The following EYS variants were observed in gnomAD, a reference collection of about 807,000 sequenced individuals.
EYS encodes the protein protein eyes shut homolog.
EYS carries 250 observed loss-of-function variants against 282.1 expected under a neutral mutation model. The observed-to-expected ratio is 0.89, with a 90% CI of 0.80 to 0.98. EYS has a LOEUF of 0.98. EYS is among the 50% of genes least tolerant of loss of function. The pLI is 0.00. For missense variants in EYS, 4,016 were observed against 3,709.0 expected (o/e 1.08, Z -2.15); for synonymous variants, 1,355 against 1,282.9 (o/e 1.06, Z -1.20).
chr6:65,105,714 G>A (rs943859838), intron 12 of EYS, among the ~76,000 whole-genome samples: 2 of 151,858 alleles, frequency 1.3e-5, no homozygotes, highest in Non-Finnish European at 2.9e-5. Flanking sequence ...CGTGAATGAT[G>A]TCTGTACTTC....
intron 31 of EYS, among the ~76,000 whole-genome samples, chr6:64,206,250 T>C (rs950128397): frequency 1.1e-4 from 16 of 152,164 alleles, no homozygotes; most frequent in African/African-American, 3.6e-4. Context: ...CTTCTTAAAA[T>C]TAGTCTAATA....
At chr6:65,511,726 G>A (rs1415897674) in intron 2 of EYS, among the ~76,000 whole-genome samples, 5 of 152,018 alleles carry the variant, frequency 3.3e-5, no homozygotes, top group African/African-American at 1.2e-4. Context: ...ACTGAGACAG[G>A]GGGCTCACTT....
chr6:63,897,265 C>T (rs1450664185), intron 35 of EYS, among the ~76,000 whole-genome samples: 1 of 152,212 alleles, frequency 6.6e-6, no homozygotes, highest in Non-Finnish European at 1.5e-5. Flanking sequence ...GAACAATGGT[C>T]TTCAAAGATA....
chr6:65,060,230 CTTT>C (rs34441532), intron 12 of EYS, among the ~76,000 whole-genome samples: 29,297 of 146,274 alleles, frequency 0.2, 3,262 homozygotes, highest in South Asian at 0.26. Flanking sequence ...ACAAGGAAGA[CTTT>C]TTTTTTTTTT....
intron 15 of EYS, among the ~76,000 whole-genome samples, chr6:64,914,745 T>C (rs1768108642): frequency 1.3e-5 from 2 of 152,094 alleles, no homozygotes; most frequent in South Asian, 4.1e-4. Context: ...TAATAAAGTG[T>C]TTACTAGTTC....
intron 12 of EYS, among the ~76,000 whole-genome samples, chr6:65,109,196 A>T (rs1775133804): frequency 6.6e-6 from 1 of 151,488 alleles, no homozygotes; most frequent in Non-Finnish European, 1.5e-5. Context: ...CACTTTTAGA[A>T]TTTTTTTCTG....
chr6:65,543,411 TA>T (rs1278071072), intron 2 of EYS, among the ~76,000 whole-genome samples: 4 of 148,098 alleles, frequency 2.7e-5, no homozygotes, highest in East Asian at 1.9e-4. Flanking sequence ...ATATAATATA[TA>T]AATGTATATT....
At chr6:65,484,149 A>C (rs1346274182) in intron 5 of EYS, among the ~76,000 whole-genome samples, 3 of 150,050 alleles carry the variant, frequency 2.0e-5, no homozygotes, top group African/African-American at 7.3e-5. Context: ...AAAAAAAAAA[A>C]CCCTATTATA....
chr6:64,658,119 T>C (rs1768826314), intron 22 of EYS, among the ~76,000 whole-genome samples: 1 of 152,212 alleles, frequency 6.6e-6, no homozygotes, highest in Non-Finnish European at 1.5e-5. Flanking sequence ...CTTCCATCAC[T>C]GATACCCTTT....
chr6:64,019,343 G>A (rs1769061605), intron 33 of EYS, among the ~76,000 whole-genome samples: 1 of 152,070 alleles, frequency 6.6e-6, no homozygotes, highest in South Asian at 2.1e-4. Flanking sequence ...GTTGTTTTAG[G>A]CCACATAGTT....
chr6:65,221,217 A>C (rs1291596041), intron 12 of EYS, among the ~76,000 whole-genome samples: 1 of 152,198 alleles, frequency 6.6e-6, no homozygotes, highest in African/African-American at 2.4e-5. Flanking sequence ...AAATTTGCCT[A>C]AGTAATGAGG....
intron 5 of EYS, among the ~76,000 whole-genome samples, chr6:65,476,401 A>AT (rs1765406244): frequency 6.6e-6 from 1 of 152,204 alleles, no homozygotes; most frequent in Non-Finnish European, 1.5e-5. Context: ...GTTCATTAAG[A>AT]TATTTATATG....
At position 64,126,838 on chromosome 6, in the gene EYS, T is replaced by C. The variant is rs190591076; in HGVS notation, c.6425-44836A>G. Among the ~76,000 whole-genome samples, 78 of 151,892 alleles carry C rather than the reference T, an allele frequency of 5.1e-4. 1 individual carries two copies. The South Asian group carries it at 6.2e-3, about 12-fold the overall frequency. On this transcript the variant is annotated intron_variant, in intron 31 of 42. Coordinates refer to ENST00000503581, the MANE Select transcript of EYS (RefSeq NM_001142800.2). The stretch of plus-strand genomic sequence containing the variant: ...ATATACACATATATTTAAATACATA[T>C]ATACACACACACATATCTATATACA...
chr6:65,163,190 T>C (rs1165742136), intron 12 of EYS, among the ~76,000 whole-genome samples: 2 of 151,286 alleles, frequency 1.3e-5, no homozygotes, highest in Admixed American at 1.3e-4. Flanking sequence ...ATTTACTTTT[T>C]AGGTAACTTT....
At chr6:65,266,199 A>G (rs1767748314) in intron 12 of EYS, among the ~76,000 whole-genome samples, 2 of 151,890 alleles carry the variant, frequency 1.3e-5, no homozygotes. Flanking sequence ...AGATTATGAT[A>G]TTCTTTACTA....
chr6:65,672,236 T>G (rs1175564687), intron 1 of EYS, among the ~76,000 whole-genome samples: 1 of 152,120 alleles, frequency 6.6e-6, no homozygotes, highest in Admixed American at 6.6e-5. Context: ...GTTTACTTGC[T>G]AGTCTCAGAG....
intron 22 of EYS, among the ~76,000 whole-genome samples, chr6:64,671,747 T>C (rs1171183338): frequency 6.6e-6 from 1 of 152,120 alleles, no homozygotes; most frequent in Non-Finnish European, 1.5e-5. Context: ...AAACCAAACA[T>C]AGTTTTAGAA....
chr6:63,724,364 T>C (rs200055061), intron 42 of EYS, among the ~76,000 whole-genome samples: 1 of 152,308 alleles, frequency 6.6e-6, no homozygotes, highest in East Asian at 1.9e-4. Context: ...TCAGGGGAAT[T>C]GTATATACAT....
At chr6:65,093,741 T>C (rs2150179259) in intron 12 of EYS, among the ~76,000 whole-genome samples, 1 of 151,988 alleles carries the variant, frequency 6.6e-6, no homozygotes, top group South Asian at 2.1e-4. Context: ...ATAGATAGAA[T>C]ATAAGTTTTT....
Sources: gnomAD v4.1 joint callset for allele counts (sites outside exome capture counted in the v4.1 genomes callset) on GRCh38, gnomAD v4.1.1 for gene constraint, MANE v1.5 for transcripts, NCBI Gene and HGNC (gene_info 2026-07-23, HGNC 2026-07-21) for gene names.